PDE10A: variants seen among roughly 807,000 people sequenced by gnomAD.
The protein encoded by PDE10A is cAMP and cAMP-inhibited cGMP 3',5'-cyclic phosphodiesterase 10A.
Under a neutral mutation model 97.7 loss-of-function variants are expected in PDE10A, and 39 were observed. The ratio of observed to expected loss-of-function variants is 0.40; its 90% CI spans 0.31 to 0.52. PDE10A has a LOEUF of 0.52. Ranked by LOEUF, PDE10A falls within the 20% of genes least tolerant of loss-of-function variation. The pLI, the probability that PDE10A is intolerant of heterozygous loss-of-function variation, is 0.56. For missense variants in PDE10A, 731 were observed against 1,047.8 expected (o/e 0.70, Z 4.17); for synonymous variants, 371 against 376.8 (o/e 0.98, Z 0.18).
chr6:165,618,712 C>G (rs1787839044), intron 1 of PDE10A, among the ~76,000 whole-genome samples: 1 of 152,232 alleles, frequency 6.6e-6, no homozygotes, highest in Admixed American at 6.5e-5. Context: ...TGTCCCCTCC[C>G]TGTGTCCAGA....
chr6:165,932,339 G>C (rs972818183), intron 1 of PDE10A, among the ~76,000 whole-genome samples: 1 of 149,344 alleles, frequency 6.7e-6, no homozygotes, highest in African/African-American at 2.5e-5. Flanking sequence ...GTGAGAGCTA[G>C]ATTTTTTTTT....
At chr6:165,464,870 T>C (rs1328203746) in intron 3 of PDE10A, among the ~76,000 whole-genome samples, 1 of 152,258 alleles carries the variant, frequency 6.6e-6, no homozygotes, top group East Asian at 1.9e-4. Flanking sequence ...CATTCCATTG[T>C]ATTAATGTAC....
chr6:165,857,826 G>A (rs527973593), intron 1 of PDE10A, among the ~76,000 whole-genome samples: 1 of 152,236 alleles, frequency 6.6e-6, no homozygotes, highest in South Asian at 2.1e-4. Context: ...GAGGAAGTCT[G>A]TATCACTGCA....
At chr6:165,951,939 T>C (rs755251543) in intron 1 of PDE10A, among the ~76,000 whole-genome samples, 2 of 152,272 alleles carry the variant, frequency 1.3e-5, no homozygotes, top group Non-Finnish European at 2.9e-5. Flanking sequence ...ACACTTGCTC[T>C]AGTTATTTAT....
At chr6:165,716,680 G>A (rs1177131238) in intron 1 of PDE10A, among the ~76,000 whole-genome samples, 18 of 152,178 alleles carry the variant, frequency 1.2e-4, no homozygotes, top group African/African-American at 4.3e-4. Context: ...AGGAAAAAGG[G>A]GTCATGGGTG....
At chr6:165,705,116 G>A (rs531676963) in intron 1 of PDE10A, among the ~76,000 whole-genome samples, 2 of 152,344 alleles carry the variant, frequency 1.3e-5, no homozygotes, top group South Asian at 2.1e-4. Flanking sequence ...GGACACCTGG[G>A]GACCAGCATG....
chr6:165,414,140 C>T (rs146328996), intron 12 of PDE10A, among the ~76,000 whole-genome samples: 13 of 152,170 alleles, frequency 8.5e-5, no homozygotes, highest in Middle Eastern at 3.4e-3. Context: ...GTCAGCAAAC[C>T]GCACCCAGGG....
chr6:165,658,156 C>T (rs1046763765), intron 1 of PDE10A, among the ~76,000 whole-genome samples: 2 of 152,154 alleles, frequency 1.3e-5, no homozygotes, highest in Non-Finnish European at 2.9e-5. Context: ...GTAGTTTGTA[C>T]GTGTTAAACA....
intron 1 of PDE10A, among the ~76,000 whole-genome samples, chr6:165,654,425 G>C (rs1031023561): frequency 3.9e-5 from 6 of 152,044 alleles, no homozygotes; most frequent in Admixed American, 6.5e-5. Flanking sequence ...CCAATTGAGA[G>C]AAATGGCGGT....
intron 1 of PDE10A, among the ~76,000 whole-genome samples, chr6:165,733,056 G>A (rs1416678307): frequency 6.6e-6 from 1 of 152,192 alleles, no homozygotes. Flanking sequence ...CTCATTGCCA[G>A]CGGAGCCTGC....
chr6:165,434,198 C>T (rs998095738), intron 6 of PDE10A, among the ~76,000 whole-genome samples: 3 of 150,820 alleles, frequency 2.0e-5, no homozygotes, highest in African/African-American at 7.4e-5. Context: ...CTTACATACA[C>T]AACAGAACAT....
intron 1 of PDE10A, among the ~76,000 whole-genome samples, chr6:165,832,389 T>C (rs1779945832): frequency 6.6e-6 from 1 of 151,874 alleles, no homozygotes; most frequent in Non-Finnish European, 1.5e-5. Flanking sequence ...ATAAAGTAGA[T>C]GATTTATGGA....
chr6:165,601,984 G>A (rs1786978580), intron 1 of PDE10A, among the ~76,000 whole-genome samples: 1 of 152,142 alleles, frequency 6.6e-6, no homozygotes, highest in Non-Finnish European at 1.5e-5. Flanking sequence ...TTAAAACAGA[G>A]ACTAAGATCA....
intron 1 of PDE10A, among the ~76,000 whole-genome samples, chr6:165,884,612 G>A (rs1191235994): frequency 6.6e-6 from 1 of 152,060 alleles, no homozygotes; most frequent in Non-Finnish European, 1.5e-5. Context: ...TATCACATGG[G>A]TTTGTTTGAC....
chr6:165,790,081 G>T (rs1045317759), intron 1 of PDE10A, among the ~76,000 whole-genome samples: 2 of 152,150 alleles, frequency 1.3e-5, no homozygotes, highest in African/African-American at 4.8e-5. Context: ...CGCTATGTCA[G>T]TACTTTTATT....
chr6:165,791,123 T>G (rs547498969), intron 1 of PDE10A, among the ~76,000 whole-genome samples: 3 of 151,994 alleles, frequency 2.0e-5, no homozygotes, highest in Non-Finnish European at 4.4e-5. Flanking sequence ...TTTTAAAAAA[T>G]TTTTTGCAGA....
At chr6:165,857,844 C>A (rs12204206) in intron 1 of PDE10A, among the ~76,000 whole-genome samples, 1 of 152,076 alleles carries the variant, frequency 6.6e-6, no homozygotes, top group Admixed American at 6.5e-5. Flanking sequence ...GCAGTGGGAT[C>A]TTAGGGTGCC....
intron 1 of PDE10A, among the ~76,000 whole-genome samples, chr6:165,957,403 C>A (rs1228707898): frequency 6.6e-6 from 1 of 151,994 alleles, no homozygotes; most frequent in Non-Finnish European, 1.5e-5. Flanking sequence ...ATCGCTTGAC[C>A]CCAAGAGTTC....
At chr6:165,474,306 C>CA (rs1234098423) in intron 3 of PDE10A, among the ~76,000 whole-genome samples, 1 of 151,870 alleles carries the variant, frequency 6.6e-6, no homozygotes, top group Non-Finnish European at 1.5e-5. Context: ...GCAAAACAAA[C>CA]AAAAAAACCA....
Sources: allele counts gnomAD v4.1 joint callset (sites outside exome capture counted in the v4.1 genomes callset), GRCh38; gene constraint gnomAD v4.1.1; transcripts MANE v1.5; gene names NCBI Gene and HGNC (gene_info 2026-07-23, HGNC 2026-07-21).